The following ASIC2 variants were observed in gnomAD, a reference collection of about 807,000 sequenced individuals.
ASIC2 encodes acid-sensing ion channel 2.
Under a neutral mutation model 57.3 loss-of-function variants are expected in ASIC2, and 25 were observed. The observed-to-expected ratio is 0.44, with a 90% CI of 0.32 to 0.61. ASIC2 has a LOEUF of 0.61. ASIC2 is among the 20% of genes least tolerant of loss of function. The pLI is 0.06. For missense variants in ASIC2, 641 were observed against 738.1 expected (o/e 0.87, Z 1.52); for synonymous variants, 319 against 307.5 (o/e 1.04, Z -0.39).
intron 1 of ASIC2, among the ~76,000 whole-genome samples, chr17:33,496,437 T>C (rs1913932381): frequency 1.3e-5 from 2 of 152,104 alleles, no homozygotes; most frequent in South Asian, 4.1e-4. Flanking sequence ...GTTCCTGCTA[T>C]GTAGCAGTGC....
intron 8 of ASIC2, among the ~76,000 whole-genome samples, chr17:33,016,501 G>A (rs2091806483): frequency 6.6e-6 from 1 of 152,142 alleles, no homozygotes; most frequent in South Asian, 2.1e-4. Flanking sequence ...AGCAATAGAG[G>A]GTAGTTCTTA....
intron 1 of ASIC2, among the ~76,000 whole-genome samples, chr17:34,023,545 T>C (rs1038354962): frequency 1.3e-5 from 2 of 152,164 alleles, no homozygotes; most frequent in African/African-American, 4.8e-5. Flanking sequence ...CAGAGTTGCT[T>C]TGTCCATGAG....
At chr17:33,728,181 A>G (rs1217251388) in intron 1 of ASIC2, among the ~76,000 whole-genome samples, 1 of 152,110 alleles carries the variant, frequency 6.6e-6, no homozygotes, top group Non-Finnish European at 1.5e-5. Context: ...GCTACTGGAG[A>G]CACCAAAAGA....
intron 1 of ASIC2, among the ~76,000 whole-genome samples, chr17:33,776,519 A>G (rs1911283735): frequency 6.6e-6 from 1 of 152,240 alleles, no homozygotes; most frequent in East Asian, 1.9e-4. Context: ...CAGATAAAAT[A>G]CAGGATGCAG....
intron 1 of ASIC2, among the ~76,000 whole-genome samples, chr17:33,757,771 T>G (rs1255322500): frequency 6.6e-6 from 1 of 152,230 alleles, no homozygotes; most frequent in African/African-American, 2.4e-5. Context: ...GTTCTGTGAC[T>G]GACACTTTTA....
intron 1 of ASIC2, among the ~76,000 whole-genome samples, chr17:33,666,526 G>T (rs545534792): frequency 6.6e-6 from 1 of 152,270 alleles, no homozygotes; most frequent in East Asian, 1.9e-4. Flanking sequence ...CCTCCTGCCT[G>T]TCCAGGTCAT....
intron 1 of ASIC2, among the ~76,000 whole-genome samples, chr17:33,515,229 T>G (rs1914531260): frequency 6.6e-6 from 1 of 152,190 alleles, no homozygotes; most frequent in Non-Finnish European, 1.5e-5. Context: ...GGAGAGCACA[T>G]TCTGTCCCAA....
intron 1 of ASIC2, among the ~76,000 whole-genome samples, chr17:34,135,791 TA>T (rs1367406684): frequency 3.3e-5 from 5 of 152,058 alleles, no homozygotes; most frequent in Admixed American, 2.6e-4. Flanking sequence ...ATAATAATAA[TA>T]TTAATAGTAA....
intron 1 of ASIC2, chr17:34,069,413 C>T (rs979180132): frequency 1.5e-5 from 2 of 137,086 alleles, no homozygotes; most frequent in African/African-American, 2.8e-5. Context: ...CTCTTTCTTT[C>T]TTCCTCTCTT....
chr17:33,988,024 CT>C (rs1283426434), intron 1 of ASIC2, among the ~76,000 whole-genome samples: 1 of 152,106 alleles, frequency 6.6e-6, no homozygotes, highest in African/African-American at 2.4e-5. Context: ...AGAAAACTTC[CT>C]GGAAGAAGTG....
At chr17:34,027,009 G>A (rs1490698074) in intron 1 of ASIC2, among the ~76,000 whole-genome samples, 2 of 152,176 alleles carry the variant, frequency 1.3e-5, no homozygotes, top group African/African-American at 2.4e-5. Flanking sequence ...ACCCAGGAAT[G>A]TGGCAATCCA....
chr17:34,003,406 C>T (rs931690484), intron 1 of ASIC2: 2 of 152,120 alleles, frequency 1.3e-5, no homozygotes, highest in African/African-American at 4.8e-5. Context: ...TTGAGTCATC[C>T]CCCTTCACCT....
intron 1 of ASIC2, among the ~76,000 whole-genome samples, chr17:33,641,134 G>A (rs117687141): frequency 2.6e-3 from 398 of 152,218 alleles, no homozygotes; most frequent in Non-Finnish European, 4.9e-3. Flanking sequence ...CTCTCTCCAT[G>A]GAGACATCTG....
intron 1 of ASIC2, chr17:34,155,830 T>A (rs1460263896): frequency 2.3e-6 from 2 of 870,224 alleles, no homozygotes; most frequent in African/African-American, 1.7e-5. Flanking sequence ...CTCGCACAAC[T>A]CTGACCAACT....
At chr17:33,903,498 A>G (rs899531126) in intron 1 of ASIC2, among the ~76,000 whole-genome samples, 3 of 152,234 alleles carry the variant, frequency 2.0e-5, no homozygotes, top group African/African-American at 7.2e-5. Context: ...AGTTCAGAAT[A>G]CATATTTGCA....
chr17:33,249,902 A>G (rs1597650785), intron 1 of ASIC2, among the ~76,000 whole-genome samples: 1 of 152,074 alleles, frequency 6.6e-6, no homozygotes, highest in Admixed American at 6.5e-5. Flanking sequence ...GGGAGTTGGG[A>G]TCATGGTGGG....
chr17:33,968,118 C>G (rs987368375), intron 1 of ASIC2, among the ~76,000 whole-genome samples: 19 of 152,156 alleles, frequency 1.2e-4, no homozygotes, highest in African/African-American at 4.3e-4. Flanking sequence ...TTACTGTGTG[C>G]CATCTACTGT....
At chr17:33,543,705 A>G (rs1035866400) in intron 1 of ASIC2, among the ~76,000 whole-genome samples, 4 of 152,170 alleles carry the variant, frequency 2.6e-5, no homozygotes, top group Non-Finnish European at 5.9e-5. Flanking sequence ...AGTACTCTCA[A>G]TAAAGTCTTA....
At chr17:33,247,372 T>G (rs1908726222) in intron 1 of ASIC2, among the ~76,000 whole-genome samples, 2 of 152,188 alleles carry the variant, frequency 1.3e-5, no homozygotes, top group African/African-American at 4.8e-5. Context: ...CAAATACAAA[T>G]GTTGAGGGCC....
Sources: allele counts gnomAD v4.1 joint callset (sites outside exome capture counted in the v4.1 genomes callset), GRCh38; gene constraint gnomAD v4.1.1; transcripts MANE v1.5; gene names NCBI Gene and HGNC (gene_info 2026-07-23, HGNC 2026-07-21).